Variants in TRIO observed in about 807,000 individuals in gnomAD.
TRIO encodes triple functional domain protein.
TRIO carries 58 observed loss-of-function variants against 351.9 expected under a neutral mutation model. That is an observed-to-expected ratio of 0.16 (90% CI 0.13 to 0.21). The LOEUF is 0.21. TRIO is among the 10% of genes least tolerant of loss of function. TRIO has a pLI of 1.00. For synonymous variants in TRIO, 1,758 were observed against 1,595.7 expected (o/e 1.10, Z -2.42); for missense variants, 3,201 against 4,027.8 (o/e 0.79, Z 5.56).
intron 1 of TRIO, among the ~76,000 whole-genome samples, chr5:14,238,843 A>C (rs1007648614): frequency 6.6e-6 from 1 of 152,200 alleles, no homozygotes. Context: ...TACATCCCAC[A>C]TCTTTGCCAC....
intron 8 of TRIO, among the ~76,000 whole-genome samples, chr5:14,310,253 C>A (rs1454345179): frequency 6.6e-6 from 1 of 152,252 alleles, no homozygotes; most frequent in Non-Finnish European, 1.5e-5. Context: ...TCTCAGTGTG[C>A]CTGTGTTGCC....
chr5:14,461,183 G>A lies in TRIO; in HGVS notation c.5368G>A (p.Asp1790Asn), dbSNP rs1753772282. 2.6e-6 allele frequency: 4 copies of A among 1,560,874 alleles called. No homozygotes were observed. The highest frequency in any genetic ancestry group is 3.5e-6 in the Non-Finnish European group (4 of 1,153,338). Residue 1790 changes from aspartate (D) to asparagine (N), a missense_variant, in exon 35 of 57, where the codon GAC becomes AAC. This residue lies in a region of TRIO where 193 missense variants were observed against 218.8 expected (regional missense o/e 0.88). Coordinates refer to ENST00000344204, the MANE Select transcript of TRIO (RefSeq NM_007118.4). The part of the protein sequence containing the change: ...PVRRLSSGKA[D>N]GHVKKLAHKH... The stretch of plus-strand genomic sequence containing the variant: ...GCGGCGGCTCAGCAGCGGCAAGGCC[G>A]ACGGGCACGTGAAGAAGCTGGCGCA...
At chr5:14,174,728 A>G (rs1028840833) in intron 1 of TRIO, among the ~76,000 whole-genome samples, 2 of 152,234 alleles carry the variant, frequency 1.3e-5, no homozygotes, top group African/African-American at 4.8e-5. Context: ...CCAAATAAAT[A>G]ATAGTATCTA....
chr5:14,342,412 A>C (rs185759710), intron 11 of TRIO, among the ~76,000 whole-genome samples: 30 of 152,336 alleles, frequency 2.0e-4, no homozygotes, highest in Admixed American at 2.0e-3. Flanking sequence ...CACAGTGCTC[A>C]TTGTGTAGAC....
At chr5:14,374,382 A>G in intron 19 of TRIO, 39 bp downstream of exon 19, 1 of 1,539,568 alleles carries the variant, frequency 6.5e-7, no homozygotes, top group Non-Finnish European at 8.9e-7. Flanking sequence ...GGCCCAGTGC[A>G]TGCCTGGCAA....
intron 30 of TRIO, among the ~76,000 whole-genome samples, chr5:14,400,724 G>C (rs1170854406): frequency 6.6e-6 from 1 of 152,046 alleles, no homozygotes; most frequent in African/African-American, 2.4e-5. Flanking sequence ...TTTTTTGCTC[G>C]TTGACCTGCA....
chr5:14,314,793 G>A (rs531056901), intron 8 of TRIO, among the ~76,000 whole-genome samples: 39 of 152,280 alleles, frequency 2.6e-4, no homozygotes, highest in African/African-American at 9.4e-4. Flanking sequence ...ACCAATTTCA[G>A]TGACTTCTGG....
At chr5:14,270,330 A>T (rs1795907865) in intron 1 of TRIO, among the ~76,000 whole-genome samples, 1 of 152,126 alleles carries the variant, frequency 6.6e-6, no homozygotes, top group East Asian at 1.9e-4. Flanking sequence ...AGCTATTTAT[A>T]ATCCCCTCTC....
chr5:14,162,529 C>T (rs1788531586), intron 1 of TRIO, among the ~76,000 whole-genome samples: 1 of 152,216 alleles, frequency 6.6e-6, no homozygotes, highest in Non-Finnish European at 1.5e-5. Context: ...ATGCCACATA[C>T]ACAGTGTGGT....
intron 34 of TRIO, among the ~76,000 whole-genome samples, chr5:14,427,941 A>G (rs916413864): frequency 3.9e-5 from 6 of 152,190 alleles, no homozygotes; most frequent in African/African-American, 1.2e-4. Flanking sequence ...CCAGCTTTGC[A>G]GAGACCAAGG....
intron 1 of TRIO, among the ~76,000 whole-genome samples, chr5:14,193,462 A>G (rs1432669982): frequency 6.6e-6 from 1 of 152,182 alleles, no homozygotes; most frequent in East Asian, 1.9e-4. Context: ...GAAAACATAA[A>G]CATTAACCTG....
At chr5:14,417,618 C>T (rs920747831) in intron 33 of TRIO, among the ~76,000 whole-genome samples, 2 of 152,160 alleles carry the variant, frequency 1.3e-5, no homozygotes, top group African/African-American at 4.8e-5. Context: ...TCTCTCACTC[C>T]CACAGCCAGC....
intron 1 of TRIO, among the ~76,000 whole-genome samples, chr5:14,248,938 C>G (rs574185502): frequency 7.8e-4 from 119 of 152,308 alleles, no homozygotes; most frequent in Non-Finnish European, 1.4e-3. Flanking sequence ...GGTGATCTCT[C>G]TCACCAGACT....
chr5:14,403,975 GGTGGTGAGGGTGCAGGTT>G lies in TRIO; in HGVS notation c.4717-1860_4717-1843del, dbSNP rs1389277618. Reference sequence around the variant, plus strand: ...GGGTGTAGGTTGTGGTGAGGGTACAGGTGGTGAGGGTGCAGGTTGTGGTGAGGGTGTAGGTTGTGGTGA... The same window carrying G: ...GGGTGTAGGTTGTGGTGAGGGTACAGGTGGTGAGGGTGTAGGTTGTGGTGA... On this transcript the variant is annotated intron_variant, in intron 31 of 56. Transcript: ENST00000344204. Among the ~76,000 whole-genome samples the G allele has an allele frequency of 6.9e-5, 10 of 145,106 alleles. No individual in the cohort carries two copies. In the East Asian group the frequency reaches 1.6e-3, roughly 24 times the overall value.
chr5:14,299,574 T>A (rs1332370733), intron 7 of TRIO, among the ~76,000 whole-genome samples: 1 of 152,230 alleles, frequency 6.6e-6, no homozygotes, highest in Non-Finnish European at 1.5e-5. Flanking sequence ...GAAATTCTGA[T>A]GCTCCTCACT....
At chr5:14,267,157 G>A (rs1038255659) in intron 1 of TRIO, among the ~76,000 whole-genome samples, 2 of 152,152 alleles carry the variant, frequency 1.3e-5, no homozygotes, top group African/African-American at 4.8e-5. Flanking sequence ...TTACCCTCTG[G>A]TTATCTCCTC....
intron 31 of TRIO, among the ~76,000 whole-genome samples, chr5:14,405,435 G>A (rs753060511): frequency 2.0e-5 from 3 of 152,190 alleles, no homozygotes; most frequent in African/African-American, 7.2e-5. Context: ...AAAGGAGGCC[G>A]CAAGGCTGTG....
intron 11 of TRIO, among the ~76,000 whole-genome samples, chr5:14,352,888 GTTT>G (rs34064494): frequency 6.7e-6 from 1 of 148,302 alleles, no homozygotes. Context: ...TAGTTTTTGG[GTTT>G]TTTTTTTTTT....
chr5:14,372,865 CG>C (rs1745239030), intron 18 of TRIO, among the ~76,000 whole-genome samples: 2 of 152,118 alleles, frequency 1.3e-5, no homozygotes, highest in Admixed American at 6.5e-5. Context: ...GGTTTGACAG[CG>C]TATTAGTCCA....
Sources: gnomAD v4.1 joint callset for allele counts (sites outside exome capture counted in the v4.1 genomes callset) on GRCh38, gnomAD v4.1.1 for gene constraint, gnomAD v4.1.1 regional missense constraint, MANE v1.5 for transcripts, NCBI Gene and HGNC (gene_info 2026-07-23, HGNC 2026-07-21) for gene names.